Variants in RALGAPA1 observed in about 807,000 individuals in gnomAD.
The protein encoded by RALGAPA1 is Ral GTPase activating protein catalytic subunit alpha 1.
In RALGAPA1, 52 loss-of-function variants were observed where a neutral mutation model predicts 269.6. The observed-to-expected ratio is 0.19, with a 90% confidence interval of 0.15 to 0.24. RALGAPA1 has a LOEUF of 0.24. Among genes scored for constraint, RALGAPA1 ranks in the 10% least tolerant of loss-of-function variants. The pLI is 1.00. For synonymous variants in RALGAPA1, 817 were observed against 1,008.3 expected, an observed-to-expected ratio of 0.81 and a Z score of 3.60; for missense variants, 1,917 against 3,013.9, an observed-to-expected ratio of 0.64 and a Z score of 8.52.
In RALGAPA1 at chr14:35,689,027, G is replaced by A; in HGVS notation, c.3384C>T (p.Ser1128=). The A allele has an allele frequency of 4.0e-6, 5 of 1,235,718 alleles. No individual in the cohort carries two copies. Among genetic ancestry groups the A allele is most frequent in the Non-Finnish European group, 5.1e-6 (5 of 990,090 alleles). 76.5% of individuals were successfully genotyped at this position (1,235,718 alleles called of 1,614,324 possible). A position where few individuals can be genotyped will look rare whatever the true frequency, so the allele number is the denominator to read the frequency against. The stretch of plus-strand genomic sequence containing the variant: ...CTCTATGAGTTACTGTTTCAGACAA[G>A]CTCCTTTTAGTTGGAGAAAGTTTGC... ...STSKLSPTKR[S]LSETVTHRAK... is the part of the protein sequence containing the mutation. Residue 1128 remains serine, a synonymous_variant, in exon 18 of 42, where the codon AGC becomes AGT. Coordinates refer to ENST00000680220, the MANE Select transcript of RALGAPA1 (RefSeq NM_001346249.2).
intron 35 of RALGAPA1, among the ~76,000 whole-genome samples, chr14:35,623,452 T>A (rs917017846): frequency 4.0e-5 from 6 of 151,510 alleles, no homozygotes; most frequent in Admixed American, 3.9e-4. Flanking sequence ...TGAAAACAGA[T>A]GAAAATTTCC....
At chr14:35,755,421 T>C (rs565796619) in intron 7 of RALGAPA1, among the ~76,000 whole-genome samples, 1 of 152,292 alleles carries the variant, frequency 6.6e-6, no homozygotes, top group East Asian at 1.9e-4. Context: ...ATATACATTA[T>C]CTTAATTGTA....
At chr14:35,734,971 A>G (rs769332011) in intron 12 of RALGAPA1, among the ~76,000 whole-genome samples, 4 of 152,114 alleles carry the variant, frequency 2.6e-5, no homozygotes, top group Non-Finnish European at 5.9e-5. Context: ...ATTAATGATC[A>G]GGGAAATGCA....
At chr14:35,604,155 A>G (rs2059445637) in intron 36 of RALGAPA1, among the ~76,000 whole-genome samples, 1 of 152,122 alleles carries the variant, frequency 6.6e-6, no homozygotes, top group Admixed American at 6.6e-5. Flanking sequence ...TTTAAAAGAA[A>G]TGAAGTCAGT....
At chr14:35,797,083 A>G (rs981381189) in intron 1 of RALGAPA1, among the ~76,000 whole-genome samples, 3 of 152,136 alleles carry the variant, frequency 2.0e-5, no homozygotes, top group Admixed American at 2.0e-4. Flanking sequence ...AGCCAGGCGC[A>G]GTGGCTCACG....
intron 12 of RALGAPA1, among the ~76,000 whole-genome samples, chr14:35,733,400 C>G (rs140615949): frequency 3.2e-4 from 49 of 152,180 alleles, no homozygotes; most frequent in Middle Eastern, 3.4e-3. Flanking sequence ...TTGCTTGAAC[C>G]CGGGAGGTGG....
At chr14:35,642,757 T>C (rs1006448115) in intron 31 of RALGAPA1, among the ~76,000 whole-genome samples, 4 of 152,136 alleles carry the variant, frequency 2.6e-5, no homozygotes, top group South Asian at 2.1e-4. Flanking sequence ...AGTTCAACCA[T>C]TGTGGAAGAC....
chr14:35,649,612 C>G (rs764600537), intron 31 of RALGAPA1, among the ~76,000 whole-genome samples: 4 of 152,136 alleles, frequency 2.6e-5, no homozygotes, highest in Non-Finnish European at 5.9e-5. Context: ...CTATTCATAC[C>G]ACTTGGAATA....
intron 1 of RALGAPA1, among the ~76,000 whole-genome samples, chr14:35,798,463 C>T (rs923919380): frequency 1.3e-5 from 2 of 152,164 alleles, no homozygotes; most frequent in Non-Finnish European, 1.5e-5. Flanking sequence ...AGGCATGACC[C>T]GCCATGCCCA....
chr14:35,553,337 T>C (rs1020394908), intron 39 of RALGAPA1, among the ~76,000 whole-genome samples: 5 of 152,180 alleles, frequency 3.3e-5, no homozygotes, highest in Non-Finnish European at 7.4e-5. Context: ...TTTTGACTTA[T>C]TCTGATGCAA....
chr14:35,584,980 A>T (rs542214091), intron 37 of RALGAPA1, among the ~76,000 whole-genome samples: 1 of 152,306 alleles, frequency 6.6e-6, no homozygotes, highest in Non-Finnish European at 1.5e-5. Flanking sequence ...GACTAAAAGT[A>T]AAAAGATATA....
intron 28 of RALGAPA1, among the ~76,000 whole-genome samples, chr14:35,656,201 A>G (rs1189310354): frequency 6.6e-6 from 1 of 152,190 alleles, no homozygotes; most frequent in Non-Finnish European, 1.5e-5. Context: ...TGACATTGCT[A>G]TCAAGCTTCC....
intron 35 of RALGAPA1, among the ~76,000 whole-genome samples, chr14:35,616,333 A>G (rs2060252362): frequency 6.6e-6 from 1 of 152,190 alleles, no homozygotes; most frequent in Non-Finnish European, 1.5e-5. Flanking sequence ...GAATAATTAG[A>G]GAATTAGGAG....
chr14:35,767,486 G>A (rs1388987317), intron 4 of RALGAPA1, among the ~76,000 whole-genome samples: 1 of 152,102 alleles, frequency 6.6e-6, no homozygotes, highest in Non-Finnish European at 1.5e-5. Context: ...AGGAGATCGA[G>A]ACCATCCTGG....
intron 31 of RALGAPA1, among the ~76,000 whole-genome samples, chr14:35,649,057 G>T (rs1288057842): frequency 1.2e-4 from 18 of 152,166 alleles, no homozygotes; most frequent in Admixed American, 1.2e-3. Flanking sequence ...TACTACTCAT[G>T]TACTGACAAT....
chr14:35,651,924 G>A, intron 30 of RALGAPA1, 51 bp from the exon 31 acceptor site: 2 of 1,439,942 alleles, frequency 1.4e-6, no homozygotes, highest in Non-Finnish European at 1.9e-6. Context: ...TCAAATTAAT[G>A]GTACATCCTA....
At chr14:35,749,722 G>C (rs1024375435) in intron 9 of RALGAPA1, among the ~76,000 whole-genome samples, 4 of 152,006 alleles carry the variant, frequency 2.6e-5, no homozygotes, top group African/African-American at 7.2e-5. Context: ...ACACAATACA[G>C]TTTGCTAAAG....
At chr14:35,791,429 C>G (rs1378884207) in intron 1 of RALGAPA1, among the ~76,000 whole-genome samples, 2 of 152,112 alleles carry the variant, frequency 1.3e-5, no homozygotes, top group Non-Finnish European at 2.9e-5. Context: ...CATGGCAAAA[C>G]TCCGTCTCTA....
chr14:35,742,392 C>A lies in RALGAPA1; in HGVS notation c.1425G>T (p.Met475Ile). 3.8e-6 allele frequency: 6 copies of A among 1,597,406 alleles called. No individual in the cohort carries two copies. Among genetic ancestry groups the A allele is most frequent in the South Asian group, 2.2e-5 (2 of 89,348 alleles). ...IENVTDHDIS[M>I]EEGEKREEEN... ...CCTCTTCTCTTTTTTCTCCTTCTTC[C>A]ATTGAAATATCATGGTCTGTGACAT... The change falls in exon 11 of 42, where the codon ATG becomes ATT. Residue 475 changes from methionine to isoleucine, a missense_variant. This residue lies in a region of RALGAPA1 where 462 missense variants were observed against 725.6 expected (regional missense o/e 0.64). Coordinates refer to ENST00000680220, the MANE Select transcript of RALGAPA1 (RefSeq NM_001346249.2).
Sources: gnomAD v4.1 joint callset for allele counts (sites outside exome capture counted in the v4.1 genomes callset) on GRCh38, gnomAD v4.1.1 for gene constraint, gnomAD v4.1.1 regional missense constraint, MANE v1.5 for transcripts, NCBI Gene and HGNC (gene_info 2026-07-23, HGNC 2026-07-21) for gene names.